Variants in TULP2 observed in about 807,000 individuals in gnomAD.
The protein encoded by TULP2 is tubby-related protein 2.
Under a neutral mutation model 60.3 loss-of-function variants are expected in TULP2, and 64 were observed. That is an observed-to-expected ratio of 1.06 (90% CI 0.87 to 1.31). TULP2 has a LOEUF of 1.31. Among genes scored for constraint, TULP2 ranks in the 50% most tolerant of loss-of-function variants. TULP2 has a pLI of 0.00. For missense variants in TULP2, 652 were observed against 667.0 expected (o/e 0.98, Z 0.25); for synonymous variants, 267 against 265.4 (o/e 1.01, Z -0.06).
At chr19:48,890,034 G>A (rs780149767) in intron 6 of TULP2, among the ~76,000 whole-genome samples, 61 of 152,250 alleles carry the variant, frequency 4.0e-4, no homozygotes, top group African/African-American at 1.4e-3. Context: ...AGACCTGACC[G>A]TCCCCCAGCC....
At chr19:48,884,129 C>A in intron 9 of TULP2, 83 bp from the exon 10 acceptor site, 1 of 1,099,374 alleles carries the variant, frequency 9.1e-7, no homozygotes. Context: ...CGACTCTTCC[C>A]ATCAATCCCC....
intron 6 of TULP2, among the ~76,000 whole-genome samples, chr19:48,892,504 C>CT (rs771083525): frequency 1.0e-3 from 144 of 144,424 alleles, no homozygotes; most frequent in Non-Finnish European, 9.7e-4. Flanking sequence ...AACAGTTTTT[C>CT]TTTTTTTTTT....
intron 9 of TULP2, 96 bp downstream of exon 9, chr19:48,885,352 T>C: frequency 1.0e-6 from 1 of 977,484 alleles, no homozygotes; most frequent in Non-Finnish European, 1.6e-6. Flanking sequence ...CCTGAGCAGG[T>C]GGAAGGTATG....
At position 48,888,263 on chromosome 19, in the gene TULP2, T is replaced by C; in HGVS notation, c.637-2A>G. Reference sequence around the variant, plus strand: ...TCTCTTCTTTTCCAAGTCTTCTTCCTAGCCCAGGCACCAAATTTAAAGTCG... The same window carrying C: ...TCTCTTCTTTTCCAAGTCTTCTTCCCAGCCCAGGCACCAAATTTAAAGTCG... On this transcript the variant is annotated splice_acceptor_variant, in intron 7 of 12. Transcript: ENST00000221399. LOFTEE classifies it high-confidence loss of function. 1 of 1,578,788 alleles carries C rather than the reference T, an allele frequency of 6.3e-7. No individual in the cohort carries two copies. The highest frequency in any genetic ancestry group is 8.6e-7 in the Non-Finnish European group (1 of 1,158,488).
intron 11 of TULP2, among the ~76,000 whole-genome samples, chr19:48,883,091 C>T (rs750659672): frequency 9.9e-5 from 15 of 152,016 alleles, no homozygotes; most frequent in Non-Finnish European, 1.9e-4. Flanking sequence ...TGGTAGCGGG[C>T]GCCTGTAGTC....
In TULP2 at chr19:48,889,605, A is replaced by G. The variant is rs141892843; in HGVS notation, c.541T>C (p.Ser181Pro). The part of the protein sequence containing the change: ...PGTRAEGESD[S>P]QDMGDAHKSP... ...TTGTGTGCATCTCCCATATCCTGGG[A>G]GTCACTCTCACCCTCTGCACGGGTC... Residue 181 changes from serine (S) to proline (P), a missense_variant, in exon 7 of 13, where the codon TCC becomes CCC. Physicochemically the swap from Ser to Pro is moderately conservative, Grantham distance 74. Coordinates refer to ENST00000221399, the MANE Select transcript of TULP2 (RefSeq NM_003323.3). 8 of 1,585,250 alleles carry G rather than the reference A, an allele frequency of 5.0e-6. No individual in the cohort carries two copies. Among genetic ancestry groups the G allele is most frequent in the Non-Finnish European group, 6.9e-6 (8 of 1,156,820 alleles).
intron 7 of TULP2, among the ~76,000 whole-genome samples, chr19:48,888,653 G>T (rs925072370): frequency 6.6e-6 from 1 of 151,988 alleles, no homozygotes; most frequent in Non-Finnish European, 1.5e-5. Context: ...ACAGAGTTTC[G>T]CTCTGTCGCC....
intron 11 of TULP2, 51 bp from the exon 12 acceptor site, chr19:48,882,254 A>G (rs1469068686): frequency 1.9e-6 from 3 of 1,605,778 alleles, no homozygotes; most frequent in African/African-American, 1.3e-5. Flanking sequence ...TCGAAACTCC[A>G]TCTTGAACAG....
Position 48,897,688 on chromosome 19 carries a change from C to T in TULP2, c.32+149G>A. 1.1e-6 allele frequency: 1 copy of T among 946,424 alleles called. No homozygotes were observed. Among genetic ancestry groups the T allele is most frequent in the South Asian group, 1.4e-5 (1 of 73,798 alleles). 58.6% of individuals were successfully genotyped at this position (946,424 alleles called of 1,614,324 possible). A position where few individuals can be genotyped will look rare whatever the true frequency, so the allele number is the denominator to read the frequency against. ...CAGAAGTCTGCACCCTAGCCCCATC[C>T]CTTCAGGACACAGGAGTCCAGGTCC... is the stretch of plus-strand genomic sequence containing the variant. On this transcript the variant is annotated intron_variant, in intron 2 of 12. Coordinates refer to ENST00000221399, the MANE Select transcript of TULP2 (RefSeq NM_003323.3). This position sits in a 1 kb window ranked among gnomAD's most constrained non-coding sequence, Gnocchi z 4.0.
intron 6 of TULP2, among the ~76,000 whole-genome samples, chr19:48,891,706 A>C (rs1436343122): frequency 6.6e-6 from 1 of 152,116 alleles, no homozygotes; most frequent in Non-Finnish European, 1.5e-5. Context: ...TAGAGGAAGA[A>C]AAGTGGGCCC....
At chr19:48,894,059 G>A (rs2037256655) in intron 6 of TULP2, among the ~76,000 whole-genome samples, 1 of 151,898 alleles carries the variant, frequency 6.6e-6, no homozygotes, top group Admixed American at 6.6e-5. Context: ...TTGAGACAGA[G>A]TATTGCTCTG....
At chr19:48,891,848 AG>A (rs1393134225) in intron 6 of TULP2, among the ~76,000 whole-genome samples, 12 of 152,102 alleles carry the variant, frequency 7.9e-5, no homozygotes, top group African/African-American at 2.7e-4. Context: ...TGGTGGGGAG[AG>A]GGTCAGCAGG....
intron 8 of TULP2, among the ~76,000 whole-genome samples, chr19:48,887,446 TC>T (rs2123274667): frequency 6.7e-6 from 1 of 150,336 alleles, no homozygotes; most frequent in East Asian, 2.0e-4. Flanking sequence ...CACCTCAGCC[TC>T]CCGAGTAGCT....
chr19:48,882,840 A>G (rs970150080), intron 11 of TULP2, among the ~76,000 whole-genome samples: 2 of 152,234 alleles, frequency 1.3e-5, no homozygotes, highest in Non-Finnish European at 2.9e-5. Flanking sequence ...TGTGGGAGCT[A>G]AAAACGTAAA....
intron 3 of TULP2, 64 bp from the exon 4 acceptor site, chr19:48,896,620 G>A: frequency 6.7e-7 from 1 of 1,501,212 alleles, no homozygotes; most frequent in South Asian, 1.3e-5. Context: ...AAGTGAGGTG[G>A]GGCCTGGGGC....
In TULP2 at chr19:48,893,363, C is replaced by T. The variant is rs186220193; in HGVS notation, c.514+1635G>A. ...CCAGCCTGGGAGACAGAGCAAGACT[C>T]TGCCTCAAGAAAAAAAAAAAAAAAG... On this transcript the variant is annotated intron_variant, in intron 6 of 12. Coordinates refer to ENST00000221399, the MANE Select transcript of TULP2 (RefSeq NM_003323.3). 4.2e-4 allele frequency among the ~76,000 whole-genome samples: 62 copies of T among 146,610 alleles called. 1 individual carries two copies. The highest frequency in any genetic ancestry group is 1.5e-3 in the African/African-American group (61 of 39,438).
chr19:48,891,897 T>C (rs2122134838), intron 6 of TULP2, among the ~76,000 whole-genome samples: 1 of 152,130 alleles, frequency 6.6e-6, no homozygotes, highest in African/African-American at 2.4e-5. Context: ...CATAAATAAG[T>C]TTAAGGAAAG....
intron 8 of TULP2, among the ~76,000 whole-genome samples, chr19:48,886,780 TG>T (rs2037183187): frequency 6.6e-6 from 1 of 150,830 alleles, no homozygotes; most frequent in African/African-American, 2.4e-5. Context: ...TTTTTTTTTT[TG>T]ACACAAGATC....
chr19:48,888,382 T>A, intron 7 of TULP2, 121 bp from the exon 8 acceptor site: 1 of 999,124 alleles, frequency 1.0e-6, no homozygotes, highest in Non-Finnish European at 1.4e-6. Flanking sequence ...TGCTTATTGG[T>A]CAAAAATCTC....
Sources: allele counts gnomAD v4.1 joint callset (sites outside exome capture counted in the v4.1 genomes callset), GRCh38; gene constraint gnomAD v4.1.1; non-coding constraint Gnocchi (gnomAD v3.1); transcripts MANE v1.5; gene names NCBI Gene and HGNC (gene_info 2026-07-23, HGNC 2026-07-21).